TPST2: variants seen among roughly 807,000 people sequenced by gnomAD.
The protein encoded by TPST2 is tyrosylprotein sulfotransferase 2.
In TPST2, 16 loss-of-function variants were observed where a neutral mutation model predicts 27.8. The ratio of observed to expected loss-of-function variants is 0.58; its 90% confidence interval spans 0.39 to 0.88. The LOEUF (loss-of-function observed/expected upper bound fraction) is 0.88. TPST2 is among the 40% of genes least tolerant of loss of function. TPST2 has a pLI of 0.00. For missense variants in TPST2, 464 were observed against 543.1 expected (o/e 0.85, Z 1.45); for synonymous variants, 229 against 231.7 (o/e 0.99, Z 0.10).
Position 26,541,583 on chromosome 22 carries a change from C to T in TPST2, c.48G>A (p.Leu16=). 2 of 1,604,674 alleles carry T rather than the reference C, an allele frequency of 1.2e-6. No homozygotes were observed. Among genetic ancestry groups the T allele is most frequent in the South Asian group, 2.2e-5 (2 of 90,430 alleles). ...CCAGCTGAACCGCCAGCACCAGGAC[C>T]AGGGCGCAGCCGGCTGCCAGCAGCA... ...RRVLLAAGCA[L]VLVLAVQLGQ... The change falls in exon 3 of 7, where the codon CTG becomes CTA. Residue 16 remains leucine, a synonymous_variant. Transcript: ENST00000338754. The surrounding 1 kb of genome is among the most constrained non-coding windows in gnomAD (Gnocchi z 5.9).
chr22:26,556,586 C>T lies in TPST2; in HGVS notation c.-160-11911G>A, dbSNP rs570900809. Among the ~76,000 whole-genome samples the T allele has an allele frequency of 1.1e-4, 17 of 152,282 alleles. No homozygotes were observed. The South Asian group carries it at 2.5e-3, about 22-fold the overall frequency. Reference sequence around the variant, plus strand: ...ACTGGTGATGCGAGTGCTGCCACTACTACTGTGATTTATCACCTATGTTGT... The same window carrying T: ...ACTGGTGATGCGAGTGCTGCCACTATTACTGTGATTTATCACCTATGTTGT... On this transcript the variant is annotated intron_variant, in intron 1 of 6. Coordinates refer to ENST00000338754, the MANE Select transcript of TPST2 (RefSeq NM_003595.5).
At chr22:26,561,534 A>G (rs915162454) in intron 1 of TPST2, among the ~76,000 whole-genome samples, 3 of 122,286 alleles carry the variant, frequency 2.5e-5, no homozygotes, top group Non-Finnish European at 5.4e-5. Context: ...ACTGAATACC[A>G]CTCTGTAATT....
Position 26,551,165 on chromosome 22 carries a change from A to T in TPST2, c.-160-6490T>A, listed in dbSNP as rs1046840475. On this transcript the variant is annotated intron_variant, in intron 1 of 6. Transcript: ENST00000338754. ...CTGGGCTTGATGATAATACACCCAT[A>T]GTCCCAGCTACTTGGGAGGCTGAAG... 1.9e-4 allele frequency among the ~76,000 whole-genome samples: 29 copies of T among 152,276 alleles called. 1 individual carries two copies. The highest frequency in any genetic ancestry group is 6.5e-4 in the African/African-American group (27 of 41,566).
chr22:26,531,782 G>T (rs1347415636), intron 5 of TPST2, among the ~76,000 whole-genome samples: 1 of 152,124 alleles, frequency 6.6e-6, no homozygotes, highest in Non-Finnish European at 1.5e-5. Context: ...GCTGCAATGG[G>T]GTGCGCAGGC....
chr22:26,529,505 A>C (rs1925032505), intron 5 of TPST2, among the ~76,000 whole-genome samples: 1 of 152,158 alleles, frequency 6.6e-6, no homozygotes, highest in African/African-American at 2.4e-5. Flanking sequence ...GAGAGGGTCT[A>C]GGGGCTAGGA....
intron 1 of TPST2, among the ~76,000 whole-genome samples, chr22:26,564,950 G>A (rs977458952): frequency 1.3e-5 from 2 of 152,186 alleles, no homozygotes; most frequent in Non-Finnish European, 1.5e-5. Context: ...AAATGAGGAC[G>A]TAACACACAG....
chr22:26,532,766 T>TA (rs1781376194), intron 4 of TPST2, 21 bp from the exon 5 acceptor site: 1 of 1,610,286 alleles, frequency 6.2e-7, no homozygotes, highest in African/African-American at 1.3e-5. Flanking sequence ...GAAAAAGAAA[T>TA]ATCACTATTA....
chr22:26,552,561 C>T (rs376401600), intron 1 of TPST2, among the ~76,000 whole-genome samples: 12 of 152,248 alleles, frequency 7.9e-5, no homozygotes, highest in African/African-American at 2.9e-4. Context: ...GGTAGGCAAG[C>T]TTCTGTGAAG....
chr22:26,569,186 A>T (rs560315389), intron 1 of TPST2, among the ~76,000 whole-genome samples: 1 of 152,100 alleles, frequency 6.6e-6, no homozygotes, highest in Non-Finnish European at 1.5e-5. Context: ...TTTCTTGCAC[A>T]ACGTCTAAGA....
rs1413926568 is a variant in TPST2, at chr22:26,523,433, T to C, written c.*2842A>G. 6.6e-6 allele frequency: 1 copy of C among 152,184 alleles called. No individual in the cohort carries two copies. The highest frequency in any genetic ancestry group is 6.5e-5 in the Admixed American group (1 of 15,272). 9.4% of individuals were successfully genotyped at this position (152,184 alleles called of 1,614,324 possible). A position where few individuals can be genotyped will look rare whatever the true frequency, so the allele number is the denominator to read the frequency against. ...ATTCTGATTGTCCCATGTTTTATAA[T>C]ATATTCATGTAGTACTCTAAACAAA... On this transcript the variant is annotated 3_prime_UTR_variant, in exon 7 of 7. Transcript: ENST00000338754.
chr22:26,533,271 G>T (rs4822732), intron 4 of TPST2, among the ~76,000 whole-genome samples: 25,449 of 151,958 alleles, frequency 0.17, 2,522 homozygotes, highest in East Asian at 0.39. Context: ...AATTAGCTGG[G>T]CATGGTGGCA....
intron 1 of TPST2, among the ~76,000 whole-genome samples, chr22:26,581,019 T>TACACAC (rs10540036): frequency 7.5e-5 from 9 of 120,242 alleles, no homozygotes; most frequent in Admixed American, 2.7e-4. Flanking sequence ...TCAACATACA[T>TACACAC]ACACACACAC....
At chr22:26,556,392 T>C (rs927594211) in intron 1 of TPST2, among the ~76,000 whole-genome samples, 1 of 152,038 alleles carries the variant, frequency 6.6e-6, no homozygotes, top group Non-Finnish European at 1.5e-5. Context: ...ACAAAAAAAT[T>C]AGCCAGGCGT....
intron 1 of TPST2, among the ~76,000 whole-genome samples, chr22:26,562,263 A>G (rs1927142515): frequency 6.6e-6 from 1 of 152,172 alleles, no homozygotes; most frequent in Admixed American, 6.5e-5. Flanking sequence ...CATATGCGAG[A>G]AGGACTTATC....
At chr22:26,552,791 G>A (rs544188547) in intron 1 of TPST2, among the ~76,000 whole-genome samples, 1 of 152,270 alleles carries the variant, frequency 6.6e-6, no homozygotes, top group South Asian at 2.1e-4. Flanking sequence ...CAGGAGCAGT[G>A]GTTCACGCCT....
intron 1 of TPST2, among the ~76,000 whole-genome samples, chr22:26,573,985 CA>C (rs1476562666): frequency 6.6e-6 from 1 of 152,182 alleles, no homozygotes; most frequent in Non-Finnish European, 1.5e-5. Flanking sequence ...CTTAAAACAT[CA>C]CAGGGAGAAA....
chr22:26,567,628 A>T (rs1321055330), intron 1 of TPST2, among the ~76,000 whole-genome samples: 2 of 152,250 alleles, frequency 1.3e-5, no homozygotes, highest in Non-Finnish European at 2.9e-5. Context: ...TTATGGATCA[A>T]ATGAAGTCAT....
chr22:26,553,835 T>C (rs1166673325), intron 1 of TPST2, among the ~76,000 whole-genome samples: 1 of 152,144 alleles, frequency 6.6e-6, no homozygotes, highest in African/African-American at 2.4e-5. Context: ...CCTAATACAA[T>C]CTAAATGCTA....
At chr22:26,533,784 C>T (rs554753549) in intron 4 of TPST2, among the ~76,000 whole-genome samples, 123 of 152,136 alleles carry the variant, frequency 8.1e-4, no homozygotes, top group Non-Finnish European at 1.4e-3. Flanking sequence ...AGGTGATTCT[C>T]CCACCTCAGC....
Sources: gnomAD v4.1 joint callset for allele counts (sites outside exome capture counted in the v4.1 genomes callset) on GRCh38, gnomAD v4.1.1 for gene constraint, Gnocchi (gnomAD v3.1) non-coding constraint, MANE v1.5 for transcripts, NCBI Gene and HGNC (gene_info 2026-07-23, HGNC 2026-07-21) for gene names.